Variants in GHR observed in about 807,000 individuals in gnomAD.
GHR encodes the protein growth hormone receptor, also known as GH receptor.
A neutral mutation model predicts 67.1 loss-of-function variants in GHR; 35 were observed. The ratio of observed to expected loss-of-function variants is 0.52; its 90% confidence interval spans 0.40 to 0.69. The LOEUF (loss-of-function observed/expected upper bound fraction) is 0.69. Ranked by LOEUF, GHR falls within the 30% of genes least tolerant of loss-of-function variation. The pLI, the probability that GHR is intolerant of heterozygous loss-of-function variation, is 0.00. For missense variants in GHR, 792 were observed against 764.6 expected (o/e 1.04, Z -0.42); for synonymous variants, 272 against 269.1 (o/e 1.01, Z -0.10).
chr5:42,509,440 C>T (rs1746918558), intron 1 of GHR, among the ~76,000 whole-genome samples: 1 of 152,184 alleles, frequency 6.6e-6, no homozygotes, highest in South Asian at 2.1e-4. Flanking sequence ...TCCTATTTCA[C>T]TGCAAAAAGC....
At chr5:42,677,539 C>G (rs950129532) in intron 3 of GHR, among the ~76,000 whole-genome samples, 2 of 152,080 alleles carry the variant, frequency 1.3e-5, no homozygotes, top group African/African-American at 4.8e-5. Context: ...CTGTGACTGT[C>G]TAGAATACAA....
chr5:42,682,772 T>C (rs192777920), intron 3 of GHR, among the ~76,000 whole-genome samples: 1 of 152,360 alleles, frequency 6.6e-6, no homozygotes, highest in East Asian at 1.9e-4. Flanking sequence ...ATTAAATTCA[T>C]TTACTCTGTA....
chr5:42,556,979 G>A (rs767894281), intron 1 of GHR, among the ~76,000 whole-genome samples: 5 of 152,172 alleles, frequency 3.3e-5, no homozygotes, highest in Non-Finnish European at 7.4e-5. Context: ...GTTCTCCCAA[G>A]AAAAGTTCTA....
In GHR at chr5:42,475,629, A is replaced by G. The variant is rs142574272; in HGVS notation, c.-12+51674A>G. On this transcript the variant is annotated intron_variant, in intron 1 of 9. Transcript: ENST00000230882. ...AAAAAGGACCCCCCCACCAAATTGT[A>G]TAAGTTTCAGGCCCTAAAAACATGG... is the stretch of plus-strand genomic sequence containing the variant. Among the ~76,000 whole-genome samples, 616 of 151,456 alleles carry G rather than the reference A, an allele frequency of 4.1e-3. 2 individuals are homozygous for G. The highest frequency in any genetic ancestry group is 7.1e-3 in the Non-Finnish European group (484 of 67,864).
chr5:42,438,506 A>G (rs1247579425), intron 1 of GHR, among the ~76,000 whole-genome samples: 1 of 152,212 alleles, frequency 6.6e-6, no homozygotes, highest in Non-Finnish European at 1.5e-5. Flanking sequence ...TAGGTCATTC[A>G]AAGTGGCTCC....
At chr5:42,482,588 C>T (rs911207727) in intron 1 of GHR, among the ~76,000 whole-genome samples, 2 of 152,214 alleles carry the variant, frequency 1.3e-5, no homozygotes, top group East Asian at 3.9e-4. Context: ...ATGGTGGGCG[C>T]CCCTCCCCCA....
chr5:42,477,594 A>G (rs1401890814), intron 1 of GHR, among the ~76,000 whole-genome samples: 1 of 152,182 alleles, frequency 6.6e-6, no homozygotes, highest in Non-Finnish European at 1.5e-5. Flanking sequence ...GTGAGATGGT[A>G]TCTCATAGTG....
At chr5:42,437,439 G>T (rs190151870) in intron 1 of GHR, among the ~76,000 whole-genome samples, 26 of 152,244 alleles carry the variant, frequency 1.7e-4, no homozygotes, top group Admixed American at 1.5e-3. Context: ...TGGGCCTTCA[G>T]TCCTGCAAAG....
chr5:42,580,063 A>G (rs1390989820), intron 2 of GHR, among the ~76,000 whole-genome samples: 3 of 152,202 alleles, frequency 2.0e-5, no homozygotes, highest in East Asian at 1.9e-4. Flanking sequence ...GCAGAACTAT[A>G]TATCAGTAGC....
At chr5:42,715,255 C>A (rs1041651231) in intron 8 of GHR, 2 of 254,360 alleles carry the variant, frequency 7.9e-6, no homozygotes, top group Non-Finnish European at 1.6e-5. Flanking sequence ...TCTAAATTTG[C>A]ATGTTCTACT....
chr5:42,514,385 T>C (rs1042251057), intron 1 of GHR: 2 of 947,276 alleles, frequency 2.1e-6, no homozygotes, highest in Non-Finnish European at 2.5e-6. Context: ...TGTCCTATTA[T>C]AATTTATGAC....
chr5:42,687,005 A>G (rs1223123472), intron 3 of GHR, among the ~76,000 whole-genome samples: 2 of 152,214 alleles, frequency 1.3e-5, no homozygotes, highest in Admixed American at 1.3e-4. Flanking sequence ...TCAAAGTGCA[A>G]AAATCACAAG....
Position 42,424,970 on chromosome 5 carries a change from T to C in GHR, c.-12+1015T>C. The C allele has an allele frequency of 1.0e-6, 1 of 984,092 alleles. No homozygotes were observed. Among genetic ancestry groups the C allele is most frequent in the Non-Finnish European group, 1.2e-6 (1 of 828,960 alleles). 61.0% of individuals were successfully genotyped at this position (984,092 alleles called of 1,614,324 possible). A position where few individuals can be genotyped will look rare whatever the true frequency, so the allele number is the denominator to read the frequency against. On this transcript the variant is annotated intron_variant, in intron 1 of 9. Coordinates refer to ENST00000230882, the MANE Select transcript of GHR (RefSeq NM_000163.5). This position sits in a 1 kb window ranked among gnomAD's most constrained non-coding sequence, Gnocchi z 4.1. ...GCCTGAGCCAGTAGGGTGTGCAGGGTGGAAGAGGCCACAGAGGTGCCGCCT... is the reference window on the plus strand; with the variant it reads ...GCCTGAGCCAGTAGGGTGTGCAGGGCGGAAGAGGCCACAGAGGTGCCGCCT...
At chr5:42,467,413 T>C in intron 1 of GHR, 7 of 921,126 alleles carry the variant, frequency 7.6e-6, no homozygotes, top group Non-Finnish European at 1.2e-5. Context: ...GATCCTCTGG[T>C]GGACAATATG....
intron 1 of GHR, among the ~76,000 whole-genome samples, chr5:42,476,746 G>T (rs578040691): frequency 8.0e-4 from 122 of 152,188 alleles, no homozygotes; most frequent in Non-Finnish European, 1.3e-3. Flanking sequence ...TGAAGTTCAG[G>T]CAATTTATAT....
intron 6 of GHR, among the ~76,000 whole-genome samples, chr5:42,707,332 C>T (rs959388149): frequency 2.0e-5 from 3 of 151,616 alleles, no homozygotes; most frequent in Non-Finnish European, 2.9e-5. Flanking sequence ...ATCTTTTAAC[C>T]TTCATTCTAA....
At chr5:42,711,426 C>A (rs1758456023) in intron 7 of GHR, 54 bp downstream of exon 7, 2 of 1,229,942 alleles carry the variant, frequency 1.6e-6, no homozygotes, top group Non-Finnish European at 2.4e-6. Flanking sequence ...GTCAATATAA[C>A]AGTTGATTCA....
At chr5:42,712,042 C>T (rs1030972911) in intron 7 of GHR, among the ~76,000 whole-genome samples, 4 of 152,006 alleles carry the variant, frequency 2.6e-5, no homozygotes, top group African/African-American at 9.7e-5. Flanking sequence ...ATAAAGAAAA[C>T]TGATTAATGA....
chr5:42,481,290 A>G (rs1745622462), intron 1 of GHR, among the ~76,000 whole-genome samples: 1 of 152,176 alleles, frequency 6.6e-6, no homozygotes, highest in African/African-American at 2.4e-5. Context: ...TTTCTGGGTA[A>G]CCTGACCTTT....
Sources: allele counts gnomAD v4.1 joint callset (sites outside exome capture counted in the v4.1 genomes callset), GRCh38; gene constraint gnomAD v4.1.1; non-coding constraint Gnocchi (gnomAD v3.1); transcripts MANE v1.5; gene names NCBI Gene and HGNC (gene_info 2026-07-23, HGNC 2026-07-21).